Variants in C4orf50 observed in about 807,000 individuals in gnomAD.
C4orf50 encodes chromosome 4 open reading frame 50, also known as uncharacterized protein C4orf50.
C4orf50 carries 80 observed loss-of-function variants against 77.2 expected under a neutral mutation model. The observed-to-expected ratio is 1.04, with a 90% CI of 0.87 to 1.25. The LOEUF is 1.25. Ranked by LOEUF, C4orf50 falls within the 50% of genes most tolerant of loss-of-function variation. The pLI, the probability that C4orf50 is intolerant of heterozygous loss-of-function variation, is 0.00. For missense variants in C4orf50, 1,257 were observed against 1,152.9 expected (o/e 1.09, Z -1.31); for synonymous variants, 532 against 465.3 (o/e 1.14, Z -1.84).
intron 7 of C4orf50, among the ~76,000 whole-genome samples, chr4:5,937,785 T>C (rs890022294): frequency 3.9e-5 from 6 of 152,076 alleles, no homozygotes; most frequent in Admixed American, 1.3e-4. Flanking sequence ...AATAACCATA[T>C]TGACATTAAA....
chr4:5,988,632 T>A (rs916767483), exon 28 of C4orf50: 4 of 1,536,110 alleles, frequency 2.6e-6, no homozygotes, highest in Non-Finnish European at 3.5e-6. Flanking sequence ...GTCCTGTGAG[T>A]GGAGTCACCT....
chr4:5,993,868 AAGAG>A (rs1174171079), intron 26 of C4orf50, among the ~76,000 whole-genome samples: 3 of 147,508 alleles, frequency 2.0e-5, no homozygotes, highest in South Asian at 4.2e-4. Flanking sequence ...AAAAAAAAAA[AAGAG>A]AGAGAGAGAT....
At chr4:5,926,436 C>T (rs1241417427) in intron 7 of C4orf50, among the ~76,000 whole-genome samples, 2 of 152,134 alleles carry the variant, frequency 1.3e-5, no homozygotes, top group Non-Finnish European at 2.9e-5. Flanking sequence ...TACCCCAGAG[C>T]GTGGAGGGAA....
At chr4:5,986,352 A>G (rs10014296) in intron 28 of C4orf50, among the ~76,000 whole-genome samples, 75,717 of 151,968 alleles carry the variant, frequency 0.5, 19,502 homozygotes, top group East Asian at 0.92. Flanking sequence ...TGTATAACTG[A>G]AAAACTCCAG....
chr4:5,976,097 C>A, intron 29 of C4orf50, 142 bp from the exon 8 acceptor site: 1 of 659,724 alleles, frequency 1.5e-6, no homozygotes, highest in Non-Finnish European at 2.7e-6. Flanking sequence ...GGAACAGGGG[C>A]CTTTCCCACC....
intron 7 of C4orf50, among the ~76,000 whole-genome samples, chr4:5,943,630 C>T (rs1379898243): frequency 6.6e-6 from 1 of 152,198 alleles, no homozygotes; most frequent in African/African-American, 2.4e-5. Flanking sequence ...GAGCACACAT[C>T]AAGAGACGCT....
exon 34 of C4orf50, chr4:5,959,229 A>C (rs535263163): frequency 1.0e-5 from 10 of 952,886 alleles, no homozygotes; most frequent in African/African-American, 9.9e-5. Context: ...TCTGACAATG[A>C]ACACAAAATC....
downstream of C4orf50, among the ~76,000 whole-genome samples, chr4:5,954,387 G>A (rs538370120): frequency 5.9e-5 from 9 of 152,240 alleles, no homozygotes; most frequent in South Asian, 2.1e-4. The surrounding 1 kb of genome is among the most constrained non-coding windows in gnomAD (Gnocchi z 4.7). Flanking sequence ...CCTGCTGCCC[G>A]ATGCTAAATT....
chr4:5,903,534 C>T (rs1002127322), intron 7 of C4orf50: 2 of 152,176 alleles, frequency 1.3e-5, no homozygotes, highest in African/African-American at 4.8e-5. Context: ...GTGATATAAA[C>T]TAGTCATGAA....
In C4orf50 at chr4:5,970,416, C is replaced by T. The variant is rs184617858; in HGVS notation, c.4105-2954G>A. The stretch of plus-strand genomic sequence containing the variant: ...CCAGGCTGACCTCGTGGGATTTCCC[C>T]ATCCCCAAAACAGGCACCTGAGCTG... On this transcript the variant is annotated intron_variant, in intron 31 of 33. Coordinates refer to ENST00000531445, the Ensembl canonical transcript of C4orf50. The surrounding 1 kb of genome is among the most constrained non-coding windows in gnomAD (Gnocchi z 4.3). Among the ~76,000 whole-genome samples, 110 of 152,288 alleles carry T rather than the reference C, an allele frequency of 7.2e-4. No individual in the cohort carries two copies. The highest frequency in any genetic ancestry group is 2.6e-3 in the African/African-American group (109 of 41,562).
Position 5,980,284 on chromosome 4 carries a change from G to A in C4orf50, c.3754C>T (p.Gln1252Ter), listed in dbSNP as rs1451610398. ...AGGGTCAGCACCCGGTGATGGAGCT[G>A]CTGGGCCCGCAGCCTGGGATCCTCC... The change falls in exon 29 of 34, where the codon CAG (glutamine) becomes TAG (stop). Residue 1252 changes from glutamine (Q) to a stop codon, truncating the protein, a stop_gained. Transcript: ENST00000531445. LOFTEE classifies it high-confidence loss of function. 4 of 1,612,800 alleles carry A rather than the reference G, an allele frequency of 2.5e-6. No homozygotes were observed. Among genetic ancestry groups the A allele is most frequent in the Admixed American group, 1.7e-5 (1 of 59,818 alleles).
chr4:5,966,147 C>A (rs1228928226), intron 32 of C4orf50, among the ~76,000 whole-genome samples: 1 of 152,216 alleles, frequency 6.6e-6, no homozygotes, highest in Non-Finnish European at 1.5e-5. Context: ...CAGGAAAATT[C>A]TGTCTGGTCA....
chr4:6,002,997 C>G (rs375319567), intron 25 of C4orf50, among the ~76,000 whole-genome samples: 10 of 152,338 alleles, frequency 6.6e-5, no homozygotes, highest in Non-Finnish European at 1.3e-4. Flanking sequence ...CTTCCCCTCA[C>G]CTCCTCTCAC....
rs775558388 is a variant in C4orf50, at chr4:5,988,342, C to T, written c.3699+5G>A. 1.2e-6 allele frequency: 2 copies of T among 1,612,806 alleles called. No individual in the cohort carries two copies. Among genetic ancestry groups the T allele is most frequent in the Admixed American group, 3.3e-5 (2 of 59,958 alleles). Reference sequence around the variant, plus strand: ...TGAGTAAGCAGATATGCAGACCCAACCTACCATGGGGCCATTGCTCAGGGA... The same window carrying T: ...TGAGTAAGCAGATATGCAGACCCAATCTACCATGGGGCCATTGCTCAGGGA... On this transcript the variant is annotated splice_donor_5th_base_variant and intron_variant, in intron 28 of 33. Coordinates refer to ENST00000531445, the Ensembl canonical transcript of C4orf50.
intron 29 of C4orf50, among the ~76,000 whole-genome samples, chr4:5,979,769 C>CT (rs1348267348): frequency 6.6e-6 from 1 of 152,212 alleles, no homozygotes; most frequent in East Asian, 1.9e-4. Context: ...ATTCACTGAT[C>CT]TTTTTCAGAT....
intron 29 of C4orf50, among the ~76,000 whole-genome samples, chr4:5,979,850 C>A (rs1038404889): frequency 3.3e-5 from 5 of 152,224 alleles, no homozygotes; most frequent in Non-Finnish European, 7.3e-5. Context: ...TAGGTTTGCA[C>A]CTGCACCACT....
At chr4:5,923,575 G>C (rs1717381516) in intron 7 of C4orf50, among the ~76,000 whole-genome samples, 1 of 151,984 alleles carries the variant, frequency 6.6e-6, no homozygotes, top group African/African-American at 2.4e-5. Flanking sequence ...GGCTGGGCGA[G>C]GGATCGGGGG....
intron 29 of C4orf50, among the ~76,000 whole-genome samples, chr4:5,979,606 T>C (rs1367811111): frequency 6.6e-6 from 1 of 152,246 alleles, no homozygotes; most frequent in African/African-American, 2.4e-5. Flanking sequence ...TAAGAAATAA[T>C]ACAGAGCCCT....
At chr4:5,921,707 T>C (rs1717282248) in intron 7 of C4orf50, among the ~76,000 whole-genome samples, 1 of 152,268 alleles carries the variant, frequency 6.6e-6, no homozygotes. Flanking sequence ...AAAGCTTCCA[T>C]GCAAAGGTAG....
Sources: gnomAD v4.1 joint callset for allele counts (sites outside exome capture counted in the v4.1 genomes callset) on GRCh38, gnomAD v4.1.1 for gene constraint, Gnocchi (gnomAD v3.1) non-coding constraint, MANE v1.5 for transcripts, NCBI Gene and HGNC (gene_info 2026-07-23, HGNC 2026-07-21) for gene names.